The following SH3RF3 variants were observed in gnomAD, a reference collection of about 807,000 sequenced individuals.
SH3RF3 encodes E3 ubiquitin-protein ligase SH3RF3.
SH3RF3 carries 29 observed loss-of-function variants against 66.3 expected under a neutral mutation model. The observed-to-expected ratio is 0.44, with a 90% CI of 0.33 to 0.60. The LOEUF (loss-of-function observed/expected upper bound fraction) is 0.60, where lower values mean the gene tolerates loss of function less well. Ranked by LOEUF, SH3RF3 falls within the 20% of genes least tolerant of loss-of-function variation. The pLI, the probability that SH3RF3 is intolerant of heterozygous loss-of-function variation, is 0.04. For synonymous variants in SH3RF3, 583 were observed against 532.0 expected, an observed-to-expected ratio of 1.10 and a Z score of -1.32; for missense variants, 1,194 against 1,190.9, an observed-to-expected ratio of 1.00 and a Z score of -0.04.
chr2:109,297,213 G>T (rs559520291), intron 1 of SH3RF3, among the ~76,000 whole-genome samples: 1 of 151,938 alleles, frequency 6.6e-6, no homozygotes, highest in Non-Finnish European at 1.5e-5. Context: ...AAGACCCTGC[G>T]ATTCATTCAG....
intron 1 of SH3RF3, among the ~76,000 whole-genome samples, chr2:109,209,358 G>T (rs181280658): frequency 6.6e-6 from 1 of 152,278 alleles, no homozygotes; most frequent in Admixed American, 6.5e-5. Flanking sequence ...ACGTTTAACA[G>T]TTGGCTTCCT....
chr2:109,477,613 G>GGT (rs71383845), intron 8 of SH3RF3, among the ~76,000 whole-genome samples: 4,982 of 149,406 alleles, frequency 0.033, 108 homozygotes, highest in African/African-American at 0.059. Context: ...GCCACAGATG[G>GGT]GTGTGTGTGT....
At chr2:109,500,424 A>T (rs1410180307) in intron 9 of SH3RF3, among the ~76,000 whole-genome samples, 1 of 152,106 alleles carries the variant, frequency 6.6e-6, no homozygotes, top group Non-Finnish European at 1.5e-5. Context: ...CTGCAGGCGG[A>T]GGCCATGCAG....
intron 1 of SH3RF3, among the ~76,000 whole-genome samples, chr2:109,279,215 A>G (rs888662835): frequency 2.6e-5 from 4 of 152,184 alleles, no homozygotes; most frequent in Non-Finnish European, 4.4e-5. Context: ...GAAGCGTGCT[A>G]TTAGCTTGTC....
chr2:109,181,842 C>CT (rs1223491946), intron 1 of SH3RF3, among the ~76,000 whole-genome samples: 1 of 152,146 alleles, frequency 6.6e-6, no homozygotes, highest in Middle Eastern at 3.4e-3. Flanking sequence ...TGACCTACAC[C>CT]TTTTTTTTCC....
chr2:109,453,231 G>C (rs1677938679), intron 8 of SH3RF3, among the ~76,000 whole-genome samples: 1 of 152,158 alleles, frequency 6.6e-6, no homozygotes, highest in Non-Finnish European at 1.5e-5. Flanking sequence ...TACTCTCCCA[G>C]GTCTCTTCCT....
intron 5 of SH3RF3, among the ~76,000 whole-genome samples, chr2:109,428,916 C>G (rs1273221085): frequency 6.6e-6 from 1 of 152,158 alleles, no homozygotes; most frequent in Non-Finnish European, 1.5e-5. Context: ...TTCTCCCTGC[C>G]ATGCCAGACC....
At chr2:109,244,942 G>T (rs1357848008) in intron 1 of SH3RF3, among the ~76,000 whole-genome samples, 1 of 152,216 alleles carries the variant, frequency 6.6e-6, no homozygotes, top group African/African-American at 2.4e-5. Flanking sequence ...GCTTGCCCTT[G>T]GGTTTGAGAC....
At chr2:109,467,157 C>T (rs1678374186) in intron 8 of SH3RF3, among the ~76,000 whole-genome samples, 1 of 152,252 alleles carries the variant, frequency 6.6e-6, no homozygotes, top group South Asian at 2.1e-4. Context: ...GAAGCAGACA[C>T]ACAGGCCTAC....
In SH3RF3 at chr2:109,490,704, G is replaced by A; in HGVS notation, c.2248G>A (p.Val750Met). Residue 750 changes from valine (V) to methionine (M), a missense_variant, in exon 9 of 10, where the codon GTG becomes ATG. Physicochemically the swap from Val to Met is conservative, Grantham distance 21 (BLOSUM62 1). Transcript: ENST00000309415. Reference protein sequence around the residue: ...PSVSPTHDPQVAVDALLQGAV... With the variant: ...PSVSPTHDPQMAVDALLQGAV... ...TGTGTCTCCAACCCACGACCCCCAG[G>A]TGGCCGTGGACGCCCTGCTCCAAGG... The A allele has an allele frequency of 6.5e-7, 1 of 1,533,580 alleles. No homozygotes were observed. Among genetic ancestry groups the A allele is most frequent in the Non-Finnish European group, 8.7e-7 (1 of 1,144,258 alleles). The allele number at this position is 1,533,580 out of a possible 1,614,324, so 95.0% of individuals were successfully genotyped here. A position where few individuals can be genotyped will look rare whatever the true frequency, so the allele number is the denominator to read the frequency against.
chr2:109,377,438 C>T (rs921990736), intron 3 of SH3RF3, among the ~76,000 whole-genome samples: 1 of 152,066 alleles, frequency 6.6e-6, no homozygotes, highest in African/African-American at 2.4e-5. Flanking sequence ...CCCTAGGATC[C>T]GGGGAAGAAG....
intron 1 of SH3RF3, among the ~76,000 whole-genome samples, chr2:109,205,817 C>T (rs1678796639): frequency 6.6e-6 from 1 of 152,194 alleles, no homozygotes; most frequent in Non-Finnish European, 1.5e-5. Flanking sequence ...GGGAAGCACA[C>T]TGTGTGTGTA....
At chr2:109,137,924 A>T (rs1237380283) in intron 1 of SH3RF3, among the ~76,000 whole-genome samples, 4 of 152,240 alleles carry the variant, frequency 2.6e-5, no homozygotes, top group African/African-American at 9.6e-5. Flanking sequence ...GGGCCAGCTA[A>T]ATCTCAGGCC....
At chr2:109,487,637 A>G (rs1679017927) in intron 8 of SH3RF3, among the ~76,000 whole-genome samples, 1 of 152,160 alleles carries the variant, frequency 6.6e-6, no homozygotes, top group South Asian at 2.1e-4. Context: ...GCCTGACTGC[A>G]TATACTCTCA....
At chr2:109,243,541 A>G (rs943327501) in intron 1 of SH3RF3, among the ~76,000 whole-genome samples, 56 of 152,224 alleles carry the variant, frequency 3.7e-4, no homozygotes, top group African/African-American at 1.2e-3. Context: ...CATACAGGTA[A>G]TTAACACCAT....
chr2:109,130,351 C>G (rs1051671213), intron 1 of SH3RF3, among the ~76,000 whole-genome samples: 2 of 152,230 alleles, frequency 1.3e-5, no homozygotes, highest in African/African-American at 4.8e-5. Context: ...CTTCCTGTCC[C>G]GTCGCTCACC....
chr2:109,205,387 C>A (rs1029834954), intron 1 of SH3RF3, among the ~76,000 whole-genome samples: 1 of 151,844 alleles, frequency 6.6e-6, no homozygotes, highest in African/African-American at 2.4e-5. Context: ...AGGCATGCAT[C>A]ACCATGCCTA....
chr2:109,442,615 A>G (rs1023431897), intron 7 of SH3RF3, among the ~76,000 whole-genome samples: 10 of 152,202 alleles, frequency 6.6e-5, no homozygotes, highest in Admixed American at 3.3e-4. Flanking sequence ...TTGGTATACT[A>G]CTGTAACATT....
intron 1 of SH3RF3, among the ~76,000 whole-genome samples, chr2:109,325,643 C>T (rs1264748961): frequency 6.6e-6 from 1 of 152,164 alleles, no homozygotes; most frequent in Non-Finnish European, 1.5e-5. Context: ...GCAGCCTGTT[C>T]CATTCTCAGC....
Sources: gnomAD v4.1 joint callset for allele counts (sites outside exome capture counted in the v4.1 genomes callset) on GRCh38, gnomAD v4.1.1 for gene constraint, MANE v1.5 for transcripts, NCBI Gene and HGNC (gene_info 2026-07-23, HGNC 2026-07-21) for gene names.